ANGEL2: variants seen among roughly 807,000 people sequenced by gnomAD.
ANGEL2 encodes the protein angel homolog 2.
Under a neutral mutation model 66.0 loss-of-function variants are expected in ANGEL2, and 41 were observed. The observed-to-expected ratio is 0.62, with a 90% CI of 0.48 to 0.81. The LOEUF (loss-of-function observed/expected upper bound fraction) is 0.81, where lower values mean the gene tolerates loss of function less well. Among genes scored for constraint, ANGEL2 ranks in the 30% least tolerant of loss-of-function variants. ANGEL2 has a pLI of 0.00. For synonymous variants in ANGEL2, 208 were observed against 226.5 expected (o/e 0.92, Z 0.73); for missense variants, 561 against 641.6 (o/e 0.87, Z 1.36).
In ANGEL2 at chr1:212,994,844, G is replaced by A; in HGVS notation, c.*197C>T. Reference sequence around the variant, plus strand: ...AATAAAGAGAATTTAGAGCTCACTTGTCACGAAAATATTTTTCATTATTAA... The same window carrying A: ...AATAAAGAGAATTTAGAGCTCACTTATCACGAAAATATTTTTCATTATTAA... On this transcript the variant is annotated 3_prime_UTR_variant, in exon 9 of 9. Coordinates refer to ENST00000366962, the MANE Select transcript of ANGEL2 (RefSeq NM_144567.5). The A allele has an allele frequency of 2.6e-6, 1 of 386,446 alleles. No individual in the cohort carries two copies. The highest frequency in any genetic ancestry group is 4.4e-6 in the Non-Finnish European group (1 of 226,968). The allele number at this position is 386,446 out of a possible 1,614,324, so 23.9% of individuals were successfully genotyped here. A position where few individuals can be genotyped will look rare whatever the true frequency, so the allele number is the denominator to read the frequency against.
intron 4 of ANGEL2, 42 bp downstream of exon 4, chr1:213,007,087 T>G: frequency 6.6e-7 from 1 of 1,521,694 alleles, no homozygotes; most frequent in Non-Finnish European, 8.9e-7. Flanking sequence ...AGTGAGACCC[T>G]GTCTCAAAAA....
At position 213,008,461 on chromosome 1, in the gene ANGEL2, T is replaced by A; in HGVS notation, c.391A>T (p.Ile131Leu). 6.2e-7 allele frequency: 1 copy of A among 1,612,320 alleles called. No individual in the cohort carries two copies. Among genetic ancestry groups the A allele is most frequent in the South Asian group, 1.1e-5 (1 of 90,902 alleles). ...CATATATATTCCCAATTCCGCTTTA[T>A]CACACCTGTTAAAATATATTGCACA... is the stretch of plus-strand genomic sequence containing the variant. ...SSKRRKHQGVIKRNWEYICSH... is the reference protein window; with the variant it reads ...SSKRRKHQGVLKRNWEYICSH... Residue 131 changes from isoleucine to leucine, a missense_variant, in exon 3 of 9, where the codon ATA (isoleucine) becomes TTA (leucine). Physicochemically the swap from Ile to Leu is conservative, Grantham distance 5 (BLOSUM62 2). Transcript: ENST00000366962.
At position 212,992,650 on chromosome 1, in the gene ANGEL2, CTAAAG is replaced by C. The variant is rs1306367296; in HGVS notation, c.*2386_*2390del. ...ACAAAATAATACTTCATTTGATAAG[CTAAAG>C]TAAAGAGCAATTTTATGGATTAACT... On this transcript the variant is annotated 3_prime_UTR_variant, in exon 9 of 9. Coordinates refer to ENST00000366962, the MANE Select transcript of ANGEL2 (RefSeq NM_144567.5). The C allele has an allele frequency of 2.0e-5, 3 of 152,096 alleles. No individual in the cohort carries two copies. Among genetic ancestry groups the C allele is most frequent in the African/African-American group, 2.4e-5 (1 of 41,396 alleles). The allele number at this position is 152,096 out of a possible 1,614,324, so 9.4% of individuals were successfully genotyped here. A position where few individuals can be genotyped will look rare whatever the true frequency, so the allele number is the denominator to read the frequency against.
chr1:212,996,034 A>G (rs757206391), intron 8 of ANGEL2, among the ~76,000 whole-genome samples: 18 of 152,354 alleles, frequency 1.2e-4, no homozygotes, highest in East Asian at 1.9e-4. Context: ...TCGGCCGGGC[A>G]CAGTGGCTCA....
At chr1:213,010,432 C>T (rs931966515) in intron 2 of ANGEL2, among the ~76,000 whole-genome samples, 12 of 151,968 alleles carry the variant, frequency 7.9e-5, no homozygotes, top group African/African-American at 2.2e-4. Flanking sequence ...TTTAGCCGGG[C>T]GTGGTGGCGG....
Position 213,008,470 on chromosome 1 carries a change from T to A in ANGEL2, c.386-4A>T, listed in dbSNP as rs2076407737. On this transcript the variant is annotated splice_region_variant and splice_polypyrimidine_tract_variant and intron_variant, in intron 2 of 8. Transcript: ENST00000366962. ...TCCCAATTCCGCTTTATCACACCTGTTAAAATATATTGCACAAATATAAGG... is the reference window on the plus strand; with the variant it reads ...TCCCAATTCCGCTTTATCACACCTGATAAAATATATTGCACAAATATAAGG... 6.2e-7 allele frequency: 1 copy of A among 1,610,212 alleles called. No homozygotes were observed.
rs201180365 is a variant in ANGEL2 at position 213,005,343 on chromosome 1, C to T, written c.824G>A (p.Arg275His). 36 of 1,614,012 alleles carry T rather than the reference C, an allele frequency of 2.2e-5. 1 individual carries two copies. The highest frequency in any genetic ancestry group is 4.5e-5 in the East Asian group (2 of 44,900). The change falls in exon 5 of 9, where the codon CGC becomes CAC. Residue 275 changes from arginine (R) to histidine (H), a missense_variant. Arg to His is a conservative substitution (Grantham distance 29, BLOSUM62 0). Transcript: ENST00000366962. ...TCTGTCCAACAGAGAAATATCAGGGCGGAAGAATTCCACTGGGTTCACTGA... is the reference window on the plus strand; with the variant it reads ...TCTGTCCAACAGAGAAATATCAGGGTGGAAGAATTCCACTGGGTTCACTGA... ...LLSVNPVEFF[R>H]PDISLLDRDN...
In ANGEL2 at chr1:212,992,506, G is replaced by C. The variant is rs2075884105; in HGVS notation, c.*2535C>G. The C allele has an allele frequency of 6.6e-6, 1 of 152,224 alleles. No homozygotes were observed. Among genetic ancestry groups the C allele is most frequent in the African/African-American group, 2.4e-5 (1 of 41,442 alleles). 9.4% of individuals were successfully genotyped at this position (152,224 alleles called of 1,614,324 possible). A position where few individuals can be genotyped will look rare whatever the true frequency, so the allele number is the denominator to read the frequency against. ...TAATTGTTTTTGGCAGGTAAGTACA[G>C]GCTCTGGCAGAGTTACCAACTATTC... On this transcript the variant is annotated 3_prime_UTR_variant, in exon 9 of 9. Coordinates refer to ENST00000366962, the MANE Select transcript of ANGEL2 (RefSeq NM_144567.5).
intron 1 of ANGEL2, chr1:213,015,152 T>G: frequency 1.0e-6 from 1 of 999,474 alleles, no homozygotes; most frequent in Middle Eastern, 5.1e-4. Context: ...CACTAACACA[T>G]CAACAAAAAT....
At chr1:212,996,640 A>ATATATATATAT (rs1553281538) in intron 8 of ANGEL2, among the ~76,000 whole-genome samples, 89 of 66,432 alleles carry the variant, frequency 1.3e-3, no homozygotes, top group Non-Finnish European at 1.9e-3. Flanking sequence ...AAAAAAAAAA[A>ATATATATATAT]ATATATATAT....
rs2102676359 is a variant in ANGEL2 at position 212,992,762 on chromosome 1, G to A, written c.*2279C>T. On this transcript the variant is annotated 3_prime_UTR_variant, in exon 9 of 9. Transcript: ENST00000366962. ...TATAAAAAATTAAATTTTCACAGAG[G>A]TTTTCAGGGATGTTTGTTTGTTAAC... is the stretch of plus-strand genomic sequence containing the variant. 6.6e-6 allele frequency: 1 copy of A among 152,172 alleles called. No individual in the cohort carries two copies. The highest frequency in any genetic ancestry group is 6.5e-5 in the Admixed American group (1 of 15,294). 9.4% of individuals were successfully genotyped at this position (152,172 alleles called of 1,614,324 possible).
rs2076359068 is a variant in ANGEL2, at chr1:213,007,210, A to C, written c.643-12T>G. 4 of 1,553,424 alleles carry C rather than the reference A, an allele frequency of 2.6e-6. No individual in the cohort carries two copies. The highest frequency in any genetic ancestry group is 1.7e-4 in the Middle Eastern group (1 of 5,764). On this transcript the variant is annotated splice_polypyrimidine_tract_variant and intron_variant, in intron 3 of 8. Transcript: ENST00000366962. ...TGCAAACAAAGTACCTTGGAAGAAA[A>C]AAATAGCTTGAATTAGAACACAGAG...
rs34712162 is a variant in ANGEL2 at position 212,996,640 on chromosome 1, A to AATAT, written c.1483+511_1483+514dup. 1.2e-3 allele frequency among the ~76,000 whole-genome samples: 81 copies of AATAT among 66,460 alleles called. 1 individual carries two copies. The highest frequency in any genetic ancestry group is 0.012 in the Middle Eastern group (1 of 84). 43.6% of individuals were successfully genotyped at this position (66,460 alleles called of 152,430 possible). A position where few individuals can be genotyped will look rare whatever the true frequency, so the allele number is the denominator to read the frequency against. Reference sequence around the variant, plus strand: ...TCTGTATCCAAAAAAAAAAAAAAAAAATATATATATATATATATATATATA... The same window carrying AATAT: ...TCTGTATCCAAAAAAAAAAAAAAAAAATATATATATATATATATATATATATATA... On this transcript the variant is annotated intron_variant, in intron 8 of 8. Transcript: ENST00000366962.
At position 212,994,661 on chromosome 1, in the gene ANGEL2, T is replaced by C; in HGVS notation, c.*380A>G. 6.5e-6 allele frequency: 1 copy of C among 153,700 alleles called. No individual in the cohort carries two copies. The highest frequency in any genetic ancestry group is 1.9e-4 in the East Asian group (1 of 5,250). The allele number at this position is 153,700 out of a possible 1,614,324, so 9.5% of individuals were successfully genotyped here. ...CTTCTGGAAAGGAAACAACTTGTAGTTTGCAAGAACTCAAAGATACTTTGG... is the reference window on the plus strand; with the variant it reads ...CTTCTGGAAAGGAAACAACTTGTAGCTTGCAAGAACTCAAAGATACTTTGG... On this transcript the variant is annotated 3_prime_UTR_variant, in exon 9 of 9. Transcript: ENST00000366962.
intron 7 of ANGEL2, among the ~76,000 whole-genome samples, chr1:212,999,798 G>C (rs2076130216): frequency 6.6e-6 from 1 of 152,082 alleles, no homozygotes; most frequent in African/African-American, 2.4e-5. Flanking sequence ...TACAGTTCAA[G>C]AGATAAATTA....
intron 2 of ANGEL2, among the ~76,000 whole-genome samples, chr1:213,011,033 T>C (rs2076493833): frequency 6.6e-6 from 1 of 152,190 alleles, no homozygotes; most frequent in Non-Finnish European, 1.5e-5. Flanking sequence ...GGGGCTGGGA[T>C]GATGGGGTGA....
chr1:213,005,411 A>T lies in ANGEL2; in HGVS notation c.756T>A (p.Asp252Glu). The T allele has an allele frequency of 6.2e-7, 1 of 1,613,126 alleles. No individual in the cohort carries two copies. Among genetic ancestry groups the T allele is most frequent in the Non-Finnish European group, 8.5e-7 (1 of 1,179,388 alleles). ...AATGTTTGAAGCAAATAGCACAGCC[A>T]TCAGGTTTCCTTCCTGTCCGCATCT... ...EYKMRTGRKP[D>E]GCAICFKHSK... is the part of the protein sequence containing the mutation. Residue 252 changes from aspartate to glutamate, a missense_variant, in exon 5 of 9, where the codon GAT becomes GAA. Coordinates refer to ENST00000366962, the MANE Select transcript of ANGEL2 (RefSeq NM_144567.5).
At chr1:213,012,728 A>G (rs1194932384) in intron 2 of ANGEL2, among the ~76,000 whole-genome samples, 1 of 152,228 alleles carries the variant, frequency 6.6e-6, no homozygotes, top group East Asian at 1.9e-4. Context: ...TTAGATCTGT[A>G]GACTTCTAAG....
chr1:213,000,618 A>G, intron 6 of ANGEL2, 168 bp downstream of exon 6: 1 of 811,634 alleles, frequency 1.2e-6, no homozygotes, highest in East Asian at 3.0e-5. Flanking sequence ...TGGAAGTTCA[A>G]CTTTAAAAAG....
Sources: allele counts gnomAD v4.1 joint callset (sites outside exome capture counted in the v4.1 genomes callset), GRCh38; gene constraint gnomAD v4.1.1; transcripts MANE v1.5; gene names NCBI Gene and HGNC (gene_info 2026-07-23, HGNC 2026-07-21).